Variants in RC3H1 observed in about 807,000 individuals in gnomAD.
The protein encoded by RC3H1 is roquin-1.
In RC3H1, 50 loss-of-function variants were observed where a neutral mutation model predicts 138.2. The ratio of observed to expected loss-of-function variants is 0.36; its 90% CI spans 0.29 to 0.46. The LOEUF (loss-of-function observed/expected upper bound fraction) is 0.46, where lower values mean the gene tolerates loss of function less well. Among genes scored for constraint, RC3H1 ranks in the 20% least tolerant of loss-of-function variants. The pLI is 1.00. For missense variants in RC3H1, 1,031 were observed against 1,388.1 expected, an observed-to-expected ratio of 0.74 and a Z score of 4.09; for synonymous variants, 462 against 489.1, an observed-to-expected ratio of 0.94 and a Z score of 0.73.
rs374629107 is a variant in RC3H1 at position 173,978,635 on chromosome 1, A to G, written c.970-15T>C. On this transcript the variant is annotated splice_polypyrimidine_tract_variant and intron_variant, in intron 6 of 19. Coordinates refer to ENST00000367696, the MANE Select transcript of RC3H1 (RefSeq NM_172071.4). ...GGAGTCTGCAACTTAAAAAAGATAAATGTTAACTTTCCCAAAGGTCAGATA... is the reference window on the plus strand; with the variant it reads ...GGAGTCTGCAACTTAAAAAAGATAAGTGTTAACTTTCCCAAAGGTCAGATA... 111 of 1,599,352 alleles carry G rather than the reference A, an allele frequency of 6.9e-5. No individual in the cohort carries two copies. Among genetic ancestry groups the G allele is most frequent in the Middle Eastern group, 6.6e-4 (4 of 6,034 alleles).
At chr1:173,943,317 T>C (rs1449376664) in intron 18 of RC3H1, 125 bp downstream of exon 18, 1 of 858,986 alleles carries the variant, frequency 1.2e-6, no homozygotes, top group Non-Finnish European at 1.7e-6. Flanking sequence ...TGCATGAGAA[T>C]TATTTTAAAT....
chr1:173,946,686 G>T, intron 16 of RC3H1, 60 bp downstream of exon 16: 2 of 1,596,116 alleles, frequency 1.3e-6, no homozygotes, highest in Non-Finnish European at 1.7e-6. Context: ...AAAACAAAAA[G>T]AAGTTGCCTA....
chr1:173,992,923 G>A lies in RC3H1; in HGVS notation c.63C>T (p.Phe21=), dbSNP rs752376468. The A allele has an allele frequency of 3.0e-5, 49 of 1,613,944 alleles. No individual in the cohort carries two copies. The highest frequency in any genetic ancestry group is 1.3e-4 in the East Asian group (6 of 44,880). Residue 21 remains phenylalanine (F), a synonymous_variant, in exon 2 of 20, where the codon TTC becomes TTT. Coordinates refer to ENST00000367696, the MANE Select transcript of RC3H1 (RefSeq NM_172071.4). The part of the protein sequence containing the change: ...FLSCPICTQT[F]DETIRKPISL... ...TGATGGGCTTTCGAATTGTTTCGTC[G>A]AAAGTCTGAGTGCAAATTGGGCAGG...
At chr1:173,963,863 T>C (rs1659982090) in intron 11 of RC3H1, 110 bp downstream of exon 11, 4 of 806,004 alleles carry the variant, frequency 5.0e-6, no homozygotes, top group Non-Finnish European at 7.9e-6. Context: ...AAAATGCATT[T>C]ATACATTTAC....
rs1658401992 is a variant in RC3H1, at chr1:173,932,071, T to C, written c.*6650A>G. The C allele has an allele frequency of 6.6e-6, 1 of 152,124 alleles. No homozygotes were observed. Among genetic ancestry groups the C allele is most frequent in the Non-Finnish European group, 1.5e-5 (1 of 68,012 alleles). The allele number at this position is 152,124 out of a possible 1,614,324, so 9.4% of individuals were successfully genotyped here. ...TATCCAAAAGTGTAAGTGATTTCAC[T>C]TACAACCTGACTCAAATCTCATGGG... On this transcript the variant is annotated 3_prime_UTR_variant, in exon 20 of 20. Coordinates refer to ENST00000367696, the MANE Select transcript of RC3H1 (RefSeq NM_172071.4).
intron 1 of RC3H1, among the ~76,000 whole-genome samples, chr1:173,994,910 C>T (rs942567242): frequency 2.6e-5 from 4 of 151,192 alleles, no homozygotes; most frequent in African/African-American, 4.9e-5. Context: ...TCAGTACTAA[C>T]GATAAAAAAA....
chr1:174,021,203 A>T (rs919174666), intron 1 of RC3H1, among the ~76,000 whole-genome samples: 1 of 152,218 alleles, frequency 6.6e-6, no homozygotes, highest in Non-Finnish European at 1.5e-5. Context: ...ACTGCATGTT[A>T]GTAATTCAAA....
chr1:174,007,233 C>CA (rs1661670432), intron 1 of RC3H1, among the ~76,000 whole-genome samples: 1 of 151,562 alleles, frequency 6.6e-6, no homozygotes, highest in Non-Finnish European at 1.5e-5. Context: ...ACTAAAAATA[C>CA]AAAAAAATTA....
rs1661405350 is a variant in RC3H1, at chr1:173,994,194, C to T, written c.-150-1059G>A. ...GTCACTTGAGGTTGGGAGTTCAAGA[C>T]CAGACTGGCCAACATGGTGAAACCC... On this transcript the variant is annotated intron_variant, in intron 1 of 19. Coordinates refer to ENST00000367696, the MANE Select transcript of RC3H1 (RefSeq NM_172071.4). Among the ~76,000 whole-genome samples, 3 of 151,748 alleles carry T rather than the reference C, an allele frequency of 2.0e-5. No individual in the cohort carries two copies. In the South Asian group the frequency reaches 6.2e-4, roughly 32 times the overall value.
At chr1:173,960,279 G>T (rs571052461) in intron 13 of RC3H1, among the ~76,000 whole-genome samples, 2 of 151,906 alleles carry the variant, frequency 1.3e-5, no homozygotes, top group South Asian at 4.2e-4. Context: ...GACAGAGTGA[G>T]ACTCTGTCTC....
rs1431138192 is a variant in RC3H1 at position 173,965,098 on chromosome 1, G to A, written c.1357C>T (p.Leu453=). 1 of 1,611,796 alleles carries A rather than the reference G, an allele frequency of 6.2e-7. No individual in the cohort carries two copies. The highest frequency in any genetic ancestry group is 1.7e-5 in the Admixed American group (1 of 59,428). The change falls in exon 10 of 20, where the codon CTG becomes TTG. Residue 453 remains leucine (L), a synonymous_variant. Coordinates refer to ENST00000367696, the MANE Select transcript of RC3H1 (RefSeq NM_172071.4). ...GCACTCAAGGGTCTTCTCGGAACCA[G>A]GCGCTTATTCATTTTACGAAATCTA... is the stretch of plus-strand genomic sequence containing the variant. ...LEKFRKMNKR[L]VPRRPLSASL... is the part of the protein sequence containing the mutation.
intron 9 of RC3H1, among the ~76,000 whole-genome samples, chr1:173,966,851 GA>G (rs1366446949): frequency 1.3e-5 from 2 of 152,148 alleles, no homozygotes; most frequent in Admixed American, 1.3e-4. Context: ...AATTATTGTT[GA>G]AAGTCTAGTG....
At chr1:173,987,392 G>T (rs952161562) in intron 2 of RC3H1, among the ~76,000 whole-genome samples, 1 of 151,908 alleles carries the variant, frequency 6.6e-6, no homozygotes, top group African/African-American at 2.4e-5. Context: ...CATTTATTTT[G>T]TTGTTCAAAC....
Position 173,952,153 on chromosome 1 carries a change from A to C in RC3H1, c.2371-15T>G. 1 of 1,501,608 alleles carries C rather than the reference A, an allele frequency of 6.7e-7. No homozygotes were observed. The highest frequency in any genetic ancestry group is 8.9e-7 in the Non-Finnish European group (1 of 1,127,124). The allele number at this position is 1,501,608 out of a possible 1,614,324, so 93.0% of individuals were successfully genotyped here. A position where few individuals can be genotyped will look rare whatever the true frequency, so the allele number is the denominator to read the frequency against. Reference sequence around the variant, plus strand: ...TCATCCAAAAACTACAGATGGAGAAAGAAAAAAAACAAAAAAAAAAAAAAG... The same window carrying C: ...TCATCCAAAAACTACAGATGGAGAACGAAAAAAAACAAAAAAAAAAAAAAG... On this transcript the variant is annotated splice_polypyrimidine_tract_variant and intron_variant, in intron 13 of 19. Coordinates refer to ENST00000367696, the MANE Select transcript of RC3H1 (RefSeq NM_172071.4).
rs1460270366 is a variant in RC3H1 at position 173,961,192 on chromosome 1, T to C, written c.2255A>G (p.Asp752Gly). The C allele has an allele frequency of 6.2e-7, 1 of 1,614,140 alleles. No individual in the cohort carries two copies. The highest frequency in any genetic ancestry group is 8.5e-7 in the Non-Finnish European group (1 of 1,180,018). The change falls in exon 13 of 20, where the codon GAT becomes GGT. Residue 752 changes from aspartate to glycine, a missense_variant. Physicochemically the swap from Asp to Gly is moderately conservative, Grantham distance 94 (BLOSUM62 -1). Around this residue, in one of 7 missense-constraint regions of RC3H1, gnomAD observed 716 missense variants for 837.9 expected, o/e 0.85. Coordinates refer to ENST00000367696, the MANE Select transcript of RC3H1 (RefSeq NM_172071.4). The part of the protein sequence containing the change: ...PPPPQPHPSL[D>G]ELHRRRKEIM... ...TTCCTTTCGTCGGCGATGTAGTTCA[T>C]CTAGACTAGGATGAGGCTGGGGAGG...
At chr1:173,972,951 C>T (rs756171348) in intron 7 of RC3H1, among the ~76,000 whole-genome samples, 1 of 152,190 alleles carries the variant, frequency 6.6e-6, no homozygotes, top group Non-Finnish European at 1.5e-5. Flanking sequence ...AACTGGGGAG[C>T]ATGTCCCTCA....
chr1:174,001,927 G>A (rs1304183274), intron 1 of RC3H1, among the ~76,000 whole-genome samples: 1 of 152,078 alleles, frequency 6.6e-6, no homozygotes, highest in Admixed American at 6.6e-5. Flanking sequence ...TGGTTACTAA[G>A]ATCAGGAGTA....
chr1:173,991,180 A>G (rs1273663000), intron 2 of RC3H1, among the ~76,000 whole-genome samples: 1 of 152,248 alleles, frequency 6.6e-6, no homozygotes, highest in Non-Finnish European at 1.5e-5. Context: ...CAGTGAGCCA[A>G]GATCACACCA....
At chr1:174,010,207 AATG>A (rs1195007796) in intron 1 of RC3H1, among the ~76,000 whole-genome samples, 1 of 152,134 alleles carries the variant, frequency 6.6e-6, no homozygotes, top group African/African-American at 2.4e-5. Flanking sequence ...AAATAAGTAA[AATG>A]ATAATAATAA....
Sources: gnomAD v4.1 joint callset for allele counts (sites outside exome capture counted in the v4.1 genomes callset) on GRCh38, gnomAD v4.1.1 for gene constraint, gnomAD v4.1.1 regional missense constraint, MANE v1.5 for transcripts, NCBI Gene and HGNC (gene_info 2026-07-23, HGNC 2026-07-21) for gene names.